The following GFRA1 variants were observed in gnomAD, a reference collection of about 807,000 sequenced individuals.
The protein encoded by GFRA1 is GDNF family receptor alpha 1.
A neutral mutation model predicts 51.6 loss-of-function variants in GFRA1; 16 were observed. The ratio of observed to expected loss-of-function variants is 0.31; its 90% CI spans 0.21 to 0.47. The LOEUF (loss-of-function observed/expected upper bound fraction) is 0.47. Among genes scored for constraint, GFRA1 ranks in the 20% least tolerant of loss-of-function variants. GFRA1 has a pLI of 1.00. For synonymous variants in GFRA1, 270 were observed against 241.3 expected, an observed-to-expected ratio of 1.12 and a Z score of -1.10; for missense variants, 530 against 594.3, an observed-to-expected ratio of 0.89 and a Z score of 1.13.
At chr10:116,247,434 T>G (rs1967958537) in intron 4 of GFRA1, among the ~76,000 whole-genome samples, 1 of 152,190 alleles carries the variant, frequency 6.6e-6, no homozygotes, top group African/African-American at 2.4e-5. Context: ...AAACCCCCAG[T>G]CCTTCAAAGA....
At chr10:116,241,338 C>CA (rs1967353975) in intron 4 of GFRA1, among the ~76,000 whole-genome samples, 1 of 152,144 alleles carries the variant, frequency 6.6e-6, no homozygotes, top group Admixed American at 6.5e-5. Context: ...GCCGAGAAAA[C>CA]AGAGAGGCTT....
In GFRA1 at chr10:116,198,928, C is replaced by G. The variant is rs371193608; in HGVS notation, c.433+12703G>C. ...AGGGTAAGCCCTAAATCCCAAATGA[C>G]TGGTGTCCTCATAAGAAAAGAAGAT... On this transcript the variant is annotated intron_variant, in intron 5 of 10. Transcript: ENST00000355422. 8.6e-4 allele frequency among the ~76,000 whole-genome samples: 131 copies of G among 152,258 alleles called. 6 individuals carry two copies. In the South Asian group the frequency reaches 0.025, roughly 30 times the overall value.
intron 4 of GFRA1, among the ~76,000 whole-genome samples, chr10:116,257,023 G>C (rs1213821747): frequency 6.7e-6 from 1 of 148,962 alleles, no homozygotes; most frequent in Non-Finnish European, 1.5e-5. Context: ...GTTGGGGCTG[G>C]GACCCTGCAG....
At chr10:116,181,995 T>C (rs577199791) in intron 5 of GFRA1, among the ~76,000 whole-genome samples, 19 of 152,202 alleles carry the variant, frequency 1.2e-4, no homozygotes, top group African/African-American at 4.3e-4. Flanking sequence ...GCAAGCTCTG[T>C]AGTGAAATAT....
Position 116,182,835 on chromosome 10 carries a change from G to C in GFRA1, c.433+28796C>G, listed in dbSNP as rs191399982. ...CAGGTCTGAAAGTTACAGTCACTAA[G>C]GTATCAAACAATGACATCCCCTTCA... is the stretch of plus-strand genomic sequence containing the variant. On this transcript the variant is annotated intron_variant, in intron 5 of 10. Transcript: ENST00000355422. 7.8e-3 allele frequency among the ~76,000 whole-genome samples: 1,181 copies of C among 152,322 alleles called. 9 individuals carry two copies. Among genetic ancestry groups the C allele is most frequent in the South Asian group, 0.025 (119 of 4,828 alleles).
At chr10:116,129,825 TA>T (rs1225705695) in intron 5 of GFRA1, among the ~76,000 whole-genome samples, 3 of 152,158 alleles carry the variant, frequency 2.0e-5, no homozygotes, top group Non-Finnish European at 4.4e-5. Context: ...CATTAATGCA[TA>T]AAATGTGTAG....
intron 6 of GFRA1, among the ~76,000 whole-genome samples, chr10:116,113,052 G>C (rs558257237): frequency 1.3e-5 from 2 of 152,106 alleles, no homozygotes; most frequent in Non-Finnish European, 2.9e-5. Flanking sequence ...CCTCGTAGGG[G>C]GTCAGTGAGA....
At chr10:116,150,462 T>G (rs183169570) in intron 5 of GFRA1, among the ~76,000 whole-genome samples, 1 of 152,178 alleles carries the variant, frequency 6.6e-6, no homozygotes, top group Non-Finnish European at 1.5e-5. Context: ...AGGGGTCTCA[T>G]AGGACATGCC....
intron 5 of GFRA1, among the ~76,000 whole-genome samples, chr10:116,204,638 T>C (rs535954173): frequency 2.6e-5 from 4 of 152,278 alleles, no homozygotes; most frequent in Middle Eastern, 6.8e-3. Flanking sequence ...CAAAGGGGCA[T>C]AGAAGCCAGC....
At chr10:116,229,295 A>G (rs1416623327) in intron 4 of GFRA1, among the ~76,000 whole-genome samples, 1 of 152,178 alleles carries the variant, frequency 6.6e-6, no homozygotes, top group East Asian at 1.9e-4. Flanking sequence ...ATTACACAGA[A>G]AAACAGCCAG....
At chr10:116,188,271 G>A (rs1240805941) in intron 5 of GFRA1, among the ~76,000 whole-genome samples, 1 of 152,192 alleles carries the variant, frequency 6.6e-6, no homozygotes, top group Non-Finnish European at 1.5e-5. Flanking sequence ...GGAGGAATGA[G>A]GACCTGCGTC....
chr10:116,183,098 C>T (rs7904658), intron 5 of GFRA1, among the ~76,000 whole-genome samples: 3,418 of 152,310 alleles, frequency 0.022, 126 homozygotes, highest in African/African-American at 0.076. Flanking sequence ...TGAAAGGAAA[C>T]ATGCATTCTT....
intron 5 of GFRA1, among the ~76,000 whole-genome samples, chr10:116,176,204 G>A (rs987915812): frequency 6.6e-6 from 1 of 152,156 alleles, no homozygotes; most frequent in Non-Finnish European, 1.5e-5. Context: ...TCGGCGCTCT[G>A]AAAAAAGTAT....
At chr10:116,261,193 AATGCCAAG>A (rs1429728410) in intron 4 of GFRA1, among the ~76,000 whole-genome samples, 3 of 152,228 alleles carry the variant, frequency 2.0e-5, no homozygotes, top group Non-Finnish European at 4.4e-5. Context: ...GAGATGGGGA[AATGCCAAG>A]ATATGGAGGG....
intron 5 of GFRA1, among the ~76,000 whole-genome samples, chr10:116,152,951 G>C (rs1959119609): frequency 6.6e-6 from 1 of 152,208 alleles, no homozygotes; most frequent in African/African-American, 2.4e-5. Flanking sequence ...GCACTGAACT[G>C]TGTGTCAGAG....
chr10:116,116,823 G>A (rs1287841598), intron 6 of GFRA1, among the ~76,000 whole-genome samples: 2 of 152,084 alleles, frequency 1.3e-5, no homozygotes, highest in Admixed American at 6.6e-5. Context: ...TTTTTTAAAC[G>A]ATGCTAAGAG....
At chr10:116,166,452 C>T (rs967023262) in intron 5 of GFRA1, among the ~76,000 whole-genome samples, 2 of 152,178 alleles carry the variant, frequency 1.3e-5, no homozygotes, top group African/African-American at 4.8e-5. Context: ...GGTCTACAAC[C>T]GTTCCGTGGG....
At chr10:116,072,617 C>G (rs538328059) in intron 9 of GFRA1, among the ~76,000 whole-genome samples, 1 of 152,070 alleles carries the variant, frequency 6.6e-6, no homozygotes, top group African/African-American at 2.4e-5. Flanking sequence ...AAAAATTAGC[C>G]GGGCATGTTG....
At chr10:116,134,447 C>T (rs903947659) in intron 5 of GFRA1, among the ~76,000 whole-genome samples, 9 of 152,196 alleles carry the variant, frequency 5.9e-5, no homozygotes, top group African/African-American at 1.9e-4. Flanking sequence ...GATATCCACA[C>T]GGATCGTATG....
Sources: gnomAD v4.1 joint callset for allele counts (sites outside exome capture counted in the v4.1 genomes callset) on GRCh38, gnomAD v4.1.1 for gene constraint, MANE v1.5 for transcripts, NCBI Gene and HGNC (gene_info 2026-07-23, HGNC 2026-07-21) for gene names.